The following TTI1 variants were observed in gnomAD, a reference collection of about 807,000 sequenced individuals.
TTI1 encodes the protein TELO2 interacting protein 1.
Under a neutral mutation model 85.4 loss-of-function variants are expected in TTI1, and 52 were observed. The ratio of observed to expected loss-of-function variants is 0.61; its 90% CI spans 0.49 to 0.77. TTI1 has a LOEUF of 0.77. TTI1 is among the 30% of genes least tolerant of loss of function. TTI1 has a pLI of 0.00. For synonymous variants in TTI1, 512 were observed against 503.9 expected (o/e 1.02, Z -0.22); for missense variants, 1,173 against 1,296.0 (o/e 0.91, Z 1.46).
At chr20:38,005,185 A>G (rs942302394) in intron 3 of TTI1, among the ~76,000 whole-genome samples, 2 of 152,242 alleles carry the variant, frequency 1.3e-5, no homozygotes, top group Non-Finnish European at 2.9e-5. Flanking sequence ...AAAAGAAAAG[A>G]AAAAGAAAAA....
At chr20:37,995,396 A>G (rs536324994) in intron 7 of TTI1, among the ~76,000 whole-genome samples, 67 of 152,370 alleles carry the variant, frequency 4.4e-4, no homozygotes, top group African/African-American at 1.6e-3. Context: ...TCCACTCCTC[A>G]GGGAATGAGT....
intron 2 of TTI1, among the ~76,000 whole-genome samples, chr20:38,008,508 A>C (rs1467455979): frequency 6.6e-6 from 1 of 152,156 alleles, no homozygotes; most frequent in African/African-American, 2.4e-5. Context: ...TTTCAAAGCT[A>C]CCCTATTTTT....
intron 3 of TTI1, among the ~76,000 whole-genome samples, chr20:38,004,086 A>T (rs910768741): frequency 3.0e-4 from 45 of 152,190 alleles, no homozygotes; most frequent in Non-Finnish European, 3.8e-4. Context: ...CTCATCTGGA[A>T]AAAAAGGGAT....
Position 38,006,379 on chromosome 20 carries a change from G to C in TTI1, c.2321C>G (p.Thr774Arg), listed in dbSNP as rs145450725. Residue 774 changes from threonine to arginine, a missense_variant, in exon 3 of 8, where the codon ACA (threonine) becomes AGA (arginine). By Grantham distance (71) the Thr-to-Arg change is moderately conservative (BLOSUM62 -1). Transcript: ENST00000373447. ...CTCTTGGAGGTGCCCAAGATTACCT[G>C]TGTCTGGGAACCACTGGGCTGTAAA... ...MAALAQWFPD[T>R]GNLGHLQEQS... 1 of 1,614,138 alleles carries C rather than the reference G, an allele frequency of 6.2e-7. No homozygotes were observed. Among genetic ancestry groups the C allele is most frequent in the Non-Finnish European group, 8.5e-7 (1 of 1,180,032 alleles).
rs1166639465 is a variant in TTI1, at chr20:38,012,716, G to C, written c.1101C>G (p.Asn367Lys). The part of the protein sequence containing the change: ...HFADQKVVVG[N>K]KALADILSES... Reference sequence around the variant, plus strand: ...CTGACAAGATGTCAGCGAGGGCTTTGTTGCCCACCACTACTTTTTGATCTG... The same window carrying C: ...CTGACAAGATGTCAGCGAGGGCTTTCTTGCCCACCACTACTTTTTGATCTG... Residue 367 changes from asparagine to lysine, a missense_variant, in exon 2 of 8, where the codon AAC (asparagine) becomes AAG (lysine). Coordinates refer to ENST00000373447, the MANE Select transcript of TTI1 (RefSeq NM_001303457.2). 6.2e-7 allele frequency: 1 copy of C among 1,614,200 alleles called. No homozygotes were observed. Among genetic ancestry groups the C allele is most frequent in the East Asian group, 2.2e-5 (1 of 44,880 alleles).
At chr20:37,994,901 A>G (rs558167455) in intron 7 of TTI1, among the ~76,000 whole-genome samples, 9 of 152,220 alleles carry the variant, frequency 5.9e-5, no homozygotes, top group Admixed American at 1.3e-4. Flanking sequence ...TGAATTGAGA[A>G]TATTAGCTTA....
In TTI1 at chr20:38,006,331, C is replaced by T. The variant is rs1004066500; in HGVS notation, c.2369G>A (p.Ser790Asn). The T allele has an allele frequency of 1.9e-6, 3 of 1,613,934 alleles. No individual in the cohort carries two copies. In the African/African-American group the frequency reaches 4.0e-5, roughly 22 times the overall value. The change falls in exon 3 of 8, where the codon AGT becomes AAT. Residue 790 changes from serine to asparagine, a missense_variant. Ser to Asn is a conservative substitution (Grantham distance 46). Coordinates refer to ENST00000373447, the MANE Select transcript of TTI1 (RefSeq NM_001303457.2). The stretch of plus-strand genomic sequence containing the variant: ...AGCTGCTGGTCTTTGGTTCAAATGA[C>T]TTCCCTCTTCTCCTAAACTTTGCTC... ...LQEQSLGEEG[S>N]HLNQRPAALE... is the part of the protein sequence containing the mutation.
At chr20:38,006,982 CA>C (rs950188685) in intron 2 of TTI1, among the ~76,000 whole-genome samples, 14 of 152,188 alleles carry the variant, frequency 9.2e-5, no homozygotes, top group African/African-American at 3.4e-4. Flanking sequence ...CAGGGTTCCA[CA>C]AAGACTCTTA....
intron 7 of TTI1, among the ~76,000 whole-genome samples, chr20:37,993,050 T>A (rs558445401): frequency 5.8e-4 from 88 of 152,062 alleles, no homozygotes; most frequent in African/African-American, 2.0e-3. Flanking sequence ...ACACCACAAA[T>A]ATGATTTGCA....
At chr20:38,005,685 T>C (rs1040683491) in intron 3 of TTI1, among the ~76,000 whole-genome samples, 1 of 151,988 alleles carries the variant, frequency 6.6e-6, no homozygotes, top group Admixed American at 6.6e-5. Context: ...AAGTATAAAT[T>C]GACACAACCT....
chr20:37,999,068 T>C, intron 5 of TTI1, 120 bp downstream of exon 5: 9 of 1,139,806 alleles, frequency 7.9e-6, no homozygotes, highest in Non-Finnish European at 1.0e-5. Flanking sequence ...GTTTCTATAC[T>C]TTCTTCACAG....
chr20:37,991,833 T>C (rs1307528064), intron 7 of TTI1, among the ~76,000 whole-genome samples: 1 of 152,138 alleles, frequency 6.6e-6, no homozygotes, highest in Non-Finnish European at 1.5e-5. Context: ...CTAATTCCAG[T>C]CCCTAGAACA....
chr20:38,003,607 CCGGGCATAGTGG>C (rs2073455888), intron 3 of TTI1, among the ~76,000 whole-genome samples: 1 of 152,082 alleles, frequency 6.6e-6, no homozygotes, highest in Non-Finnish European at 1.5e-5. Flanking sequence ...CAAAAATTAG[CCGGGCATAGTGG>C]CGGGCGCCTG....
In TTI1 at chr20:37,983,362, G is replaced by T; in HGVS notation, c.*94C>A. On this transcript the variant is annotated 3_prime_UTR_variant, in exon 8 of 8. Coordinates refer to ENST00000373447, the MANE Select transcript of TTI1 (RefSeq NM_001303457.2). ...GGCTAACTAATTCACCTTCTCTGCTGCCGCTGCCACCGCCTATGGCCGGGG... is the reference window on the plus strand; with the variant it reads ...GGCTAACTAATTCACCTTCTCTGCTTCCGCTGCCACCGCCTATGGCCGGGG... The T allele has an allele frequency of 7.7e-7, 1 of 1,304,144 alleles. No homozygotes were observed. Among genetic ancestry groups the T allele is most frequent in the South Asian group, 1.4e-5 (1 of 72,240 alleles). The allele number at this position is 1,304,144 out of a possible 1,614,324, so 80.8% of individuals were successfully genotyped here. A position where few individuals can be genotyped will look rare whatever the true frequency, so the allele number is the denominator to read the frequency against.
At chr20:38,006,570 T>C (rs766956235) in intron 2 of TTI1, among the ~76,000 whole-genome samples, 173 bp from the exon 3 acceptor site, 2 of 152,202 alleles carry the variant, frequency 1.3e-5, no homozygotes, top group Non-Finnish European at 2.9e-5. Flanking sequence ...GTTCCCCCAA[T>C]GCGGCAAGCA....
Position 38,013,300 on chromosome 20 carries a change from C to T in TTI1, c.517G>A (p.Ala173Thr), listed in dbSNP as rs777955147. ...EQEKSKQIKIAALKCLQVLLL... is the reference protein window; with the variant it reads ...EQEKSKQIKITALKCLQVLLL... Reference sequence around the variant, plus strand: ...AGAACCTGTAAACATTTTAAGGCAGCAATTTTAATTTGCTTTGATTTCTCC... The same window carrying T: ...AGAACCTGTAAACATTTTAAGGCAGTAATTTTAATTTGCTTTGATTTCTCC... Residue 173 changes from alanine to threonine, a missense_variant, in exon 2 of 8, where the codon GCT becomes ACT. By Grantham distance (58) the Ala-to-Thr change is moderately conservative (BLOSUM62 0). Transcript: ENST00000373447. The T allele has an allele frequency of 5.0e-6, 8 of 1,613,920 alleles. No individual in the cohort carries two copies. The highest frequency in any genetic ancestry group is 6.8e-6 in the Non-Finnish European group (8 of 1,180,038).
At chr20:38,001,146 T>C (rs1357484619) in intron 4 of TTI1, among the ~76,000 whole-genome samples, 2 of 152,312 alleles carry the variant, frequency 1.3e-5, no homozygotes, top group Non-Finnish European at 2.9e-5. Flanking sequence ...CATCATCCCC[T>C]CTACACATCC....
chr20:38,010,294 G>C (rs913987022), intron 2 of TTI1, among the ~76,000 whole-genome samples: 31 of 152,158 alleles, frequency 2.0e-4, no homozygotes, highest in Non-Finnish European at 2.1e-4. Context: ...AATGAGGCCA[G>C]TGACCATTCC....
intron 1 of TTI1, among the ~76,000 whole-genome samples, chr20:38,020,922 C>T (rs899291917): frequency 3.3e-5 from 5 of 152,116 alleles, no homozygotes; most frequent in African/African-American, 7.2e-5. Flanking sequence ...GCAGCTAGTA[C>T]GGAAAACTCG....
Sources: gnomAD v4.1 joint callset for allele counts (sites outside exome capture counted in the v4.1 genomes callset) on GRCh38, gnomAD v4.1.1 for gene constraint, MANE v1.5 for transcripts, NCBI Gene and HGNC (gene_info 2026-07-23, HGNC 2026-07-21) for gene names.